Variants in RMI1 observed in about 807,000 individuals in gnomAD.
The protein encoded by RMI1 is recQ-mediated genome instability protein 1.
Under a neutral mutation model 46.7 loss-of-function variants are expected in RMI1, and 36 were observed. That is an observed-to-expected ratio of 0.77 (90% confidence interval 0.59 to 1.02). The LOEUF (loss-of-function observed/expected upper bound fraction) is 1.02, where lower values mean the gene tolerates loss of function less well. Among genes scored for constraint, RMI1 ranks in the 50% least tolerant of loss-of-function variants. The probability of loss-of-function intolerance (pLI) is 0.00; values close to 1 mark genes in which losing one functional copy is unlikely to be tolerated. For synonymous variants in RMI1, 250 were observed against 252.9 expected (o/e 0.99, Z 0.11); for missense variants, 676 against 713.7 (o/e 0.95, Z 0.60).
intron 1 of RMI1, among the ~76,000 whole-genome samples, chr9:83,981,764 CT>C (rs1957404402): frequency 6.6e-6 from 1 of 152,202 alleles, no homozygotes; most frequent in African/African-American, 2.4e-5. Flanking sequence ...TGATTCATTC[CT>C]GTTATAATGT....
chr9:84,001,824 A>G lies in RMI1; in HGVS notation c.838A>G (p.Thr280Ala), dbSNP rs1448886555. 10 of 1,613,960 alleles carry G rather than the reference A, an allele frequency of 6.2e-6. No individual in the cohort carries two copies. Among genetic ancestry groups the G allele is most frequent in the Middle Eastern group, 1.6e-4 (1 of 6,082 alleles). Residue 280 changes from threonine (T) to alanine (A), a missense_variant, in exon 3 of 3, where the codon ACA (threonine) becomes GCA (alanine). Transcript: ENST00000445877. ...AGGTAGTTCCTCAAATACCATTCCC[A>G]CAAGACAGTCAAGTTTTGAGCCAGA... ...TTGSSSNTIP[T>A]RQSSFEPEFV...
chr9:83,986,094 A>G (rs1337684823), intron 1 of RMI1, among the ~76,000 whole-genome samples: 2 of 152,250 alleles, frequency 1.3e-5, no homozygotes, highest in African/African-American at 4.8e-5. Context: ...CATAAGCCTT[A>G]GAATATCAGT....
intron 1 of RMI1, among the ~76,000 whole-genome samples, chr9:83,991,357 C>G (rs1467260595): frequency 6.6e-6 from 1 of 150,462 alleles, no homozygotes; most frequent in Non-Finnish European, 1.5e-5. Context: ...CACTTTGTGT[C>G]CAGGGTAGGG....
At chr9:83,985,774 C>T (rs1440467657) in intron 1 of RMI1, among the ~76,000 whole-genome samples, 7 of 152,148 alleles carry the variant, frequency 4.6e-5, no homozygotes, top group Middle Eastern at 6.8e-3. Context: ...TTTGGGAGGC[C>T]GAGGCGGGTG....
At chr9:83,987,483 T>C (rs1308022045) in intron 1 of RMI1, among the ~76,000 whole-genome samples, 2 of 152,246 alleles carry the variant, frequency 1.3e-5, no homozygotes, top group Non-Finnish European at 2.9e-5. Context: ...GGTGTTTACC[T>C]TCAGTTTTTT....
In RMI1 at chr9:84,002,706, T is replaced by G. The variant is rs1303040795; in HGVS notation, c.1720T>G (p.Phe574Val). ...SKKDPLQYQK[F>V]LEGLQKCQRD... The stretch of plus-strand genomic sequence containing the variant: ...AAAGGATCCTCTTCAATACCAAAAG[T>G]TCCTGGAAGGGTTGCAGAAATGTCA... Residue 574 changes from phenylalanine to valine, a missense_variant, in exon 3 of 3, where the codon TTC (phenylalanine) becomes GTC (valine). Transcript: ENST00000445877. The G allele has an allele frequency of 6.2e-7, 1 of 1,613,928 alleles. No individual in the cohort carries two copies. Among genetic ancestry groups the G allele is most frequent in the Non-Finnish European group, 8.5e-7 (1 of 1,179,928 alleles).
At chr9:83,996,373 C>T (rs1217791421) in intron 1 of RMI1, among the ~76,000 whole-genome samples, 1 of 152,166 alleles carries the variant, frequency 6.6e-6, no homozygotes, top group Non-Finnish European at 1.5e-5. Context: ...TCTTCTGTCC[C>T]ATCCATGGCA....
intron 1 of RMI1, among the ~76,000 whole-genome samples, chr9:83,986,290 A>C (rs759051488): frequency 2.5e-4 from 38 of 152,200 alleles, no homozygotes; most frequent in Non-Finnish European, 3.2e-4. Context: ...TTTAGAATGC[A>C]TTAGATGGGC....
intron 1 of RMI1, among the ~76,000 whole-genome samples, chr9:83,994,113 C>T (rs1957615465): frequency 1.3e-5 from 2 of 152,064 alleles, no homozygotes; most frequent in Non-Finnish European, 2.9e-5. Flanking sequence ...AATGTCTATT[C>T]AAGCTCTTTG....
chr9:84,001,687 A>G lies in RMI1; in HGVS notation c.701A>G (p.Asp234Gly), dbSNP rs2133132046. 1.8e-5 allele frequency: 29 copies of G among 1,613,940 alleles called. No homozygotes were observed. The highest frequency in any genetic ancestry group is 2.5e-5 in the Non-Finnish European group (29 of 1,179,946). Residue 234 changes from aspartate (D) to glycine (G), a missense_variant, in exon 3 of 3, where the codon GAT becomes GGT. Physicochemically the swap from Asp to Gly is moderately conservative, Grantham distance 94. Transcript: ENST00000445877. ...AACGAAAACATTCCCAGAGTTACAG[A>G]TGTTCTAGATCCTGCATTAGGTCCT... ...NSNENIPRVT[D>G]VLDPALGPSD...
At position 84,002,031 on chromosome 9, in the gene RMI1, A is replaced by T; in HGVS notation, c.1045A>T (p.Ile349Leu). 6.2e-7 allele frequency: 1 copy of T among 1,614,008 alleles called. No homozygotes were observed. The highest frequency in any genetic ancestry group is 8.5e-7 in the Non-Finnish European group (1 of 1,179,930). Residue 349 changes from isoleucine (I) to leucine (L), a missense_variant, in exon 3 of 3, where the codon ATA becomes TTA. Coordinates refer to ENST00000445877, the MANE Select transcript of RMI1 (RefSeq NM_001358291.2). ...TTTTAACAGAAATGCCGATCGAAGT[A>T]TAGAGAGATTTTCACATAATCCTAA... ...LTFNRNADRSIERFSHNPNTT... is the reference protein window; with the variant it reads ...LTFNRNADRSLERFSHNPNTT...
intron 1 of RMI1, among the ~76,000 whole-genome samples, chr9:83,982,215 T>A (rs754124248): frequency 8.0e-4 from 122 of 152,296 alleles, no homozygotes; most frequent in Admixed American, 2.1e-3. Flanking sequence ...AGTTTGTCAT[T>A]TAAAACCTGA....
At chr9:83,993,922 G>C (rs1040381706) in intron 1 of RMI1, among the ~76,000 whole-genome samples, 15 of 151,430 alleles carry the variant, frequency 9.9e-5, no homozygotes, top group African/African-American at 3.6e-4. Context: ...TGGGACTACA[G>C]GCGTGCGCCA....
rs1957749927 is a variant in RMI1, at chr9:84,002,274, A to G, written c.1288A>G (p.Thr430Ala). The G allele has an allele frequency of 1.2e-6, 2 of 1,607,144 alleles. No homozygotes were observed. The highest frequency in any genetic ancestry group is 1.7e-6 in the Non-Finnish European group (2 of 1,176,218). The change falls in exon 3 of 3, where the codon ACC becomes GCC. Residue 430 changes from threonine to alanine, a missense_variant. Thr to Ala is a moderately conservative substitution (Grantham distance 58). Transcript: ENST00000445877. ...AGAGACAGATAATAAAATAAAACAA[A>G]CCAGCAGTTCAGATAGCCATTCCTT... ...NLETDNKIKQ[T>A]SSSDSHSLNN...
intron 1 of RMI1, among the ~76,000 whole-genome samples, chr9:83,986,300 C>G (rs938184355): frequency 3.9e-5 from 6 of 152,086 alleles, no homozygotes; most frequent in African/African-American, 1.4e-4. Flanking sequence ...ATTAGATGGG[C>G]TTGTTATTTA....
chr9:84,000,872 G>A (rs1564084950), intron 2 of RMI1, 79 bp from the exon 3 acceptor site: 2 of 726,008 alleles, frequency 2.8e-6, no homozygotes, highest in South Asian at 1.9e-5. Context: ...GGGTGTGCCT[G>A]TCTGTGCATT....
intron 1 of RMI1, among the ~76,000 whole-genome samples, chr9:83,989,271 T>A (rs994029706): frequency 7.2e-5 from 11 of 152,318 alleles, no homozygotes; most frequent in African/African-American, 2.6e-4. Context: ...CAGGACATTG[T>A]TCTGGGCAAA....
At chr9:83,980,726 TC>T (rs1266818581), upstream of RMI1, 4 of 152,174 alleles carry the variant, frequency 2.6e-5, no homozygotes, top group African/African-American at 9.7e-5. Context: ...AGGGGCGTTT[TC>T]CAGCCCCGAA....
intron 1 of RMI1, among the ~76,000 whole-genome samples, chr9:83,991,606 C>G (rs975740313): frequency 4.6e-5 from 7 of 152,184 alleles, no homozygotes; most frequent in Admixed American, 3.9e-4. Context: ...GCATGAGCCA[C>G]CACGTCCAGC....
Sources: allele counts gnomAD v4.1 joint callset (sites outside exome capture counted in the v4.1 genomes callset), GRCh38; gene constraint gnomAD v4.1.1; transcripts MANE v1.5; gene names NCBI Gene and HGNC (gene_info 2026-07-23, HGNC 2026-07-21).